PLXNA2: variants seen among roughly 807,000 people sequenced by gnomAD.
PLXNA2 encodes plexin A2, also known as plexin-A2.
PLXNA2 carries 91 observed loss-of-function variants against 193.5 expected under a neutral mutation model. That is an observed-to-expected ratio of 0.47 (90% CI 0.40 to 0.56). The LOEUF (loss-of-function observed/expected upper bound fraction) is 0.56, where lower values mean the gene tolerates loss of function less well. Ranked by LOEUF, PLXNA2 falls within the 20% of genes least tolerant of loss-of-function variation. The pLI is 0.00. For missense variants in PLXNA2, 1,995 were observed against 2,503.2 expected (o/e 0.80, Z 4.33); for synonymous variants, 997 against 1,027.3 (o/e 0.97, Z 0.56).
At chr1:208,128,695 C>CTTTTTTTT (rs34853346) in intron 4 of PLXNA2, among the ~76,000 whole-genome samples, 1 of 81,680 alleles carries the variant, frequency 1.2e-5, no homozygotes, top group Non-Finnish European at 2.3e-5. Flanking sequence ...CTGTTTCTTT[C>CTTTTTTTT]TTTTTTTTTT....
At chr1:208,177,038 C>T (rs1267435799) in intron 3 of PLXNA2, among the ~76,000 whole-genome samples, 1 of 152,142 alleles carries the variant, frequency 6.6e-6, no homozygotes, top group Non-Finnish European at 1.5e-5. Context: ...AACCAAGCTC[C>T]ATGCACACTT....
intron 4 of PLXNA2, among the ~76,000 whole-genome samples, chr1:208,112,883 T>C (rs1421785153): frequency 6.6e-6 from 1 of 151,678 alleles, no homozygotes; most frequent in Non-Finnish European, 1.5e-5. Context: ...GGAAATCTTA[T>C]GGGCAAGGCA....
chr1:208,195,326 A>T (rs1670322036), intron 3 of PLXNA2, among the ~76,000 whole-genome samples: 1 of 152,068 alleles, frequency 6.6e-6, no homozygotes, highest in Non-Finnish European at 1.5e-5. Context: ...GAGTGGTAAG[A>T]TTTCCCTCTA....
In PLXNA2 at chr1:208,028,976, G is replaced by C; in HGVS notation, c.5292C>G (p.Gly1764=). ...CAGAGAGGCAGGCGTCCGTGATGCT[G>C]CCCTTGTGGATGTCAAACACGAACT... is the stretch of plus-strand genomic sequence containing the variant. ...NPQFVFDIHK[G]SITDACLSVV... is the part of the protein sequence containing the mutation. The change falls in exon 30 of 32, where the codon GGC becomes GGG. Residue 1764 remains glycine, a synonymous_variant. Transcript: ENST00000367033. This position sits in a 1 kb window ranked among gnomAD's most constrained non-coding sequence, Gnocchi z 4.2. 1 of 1,614,118 alleles carries C rather than the reference G, an allele frequency of 6.2e-7. No homozygotes were observed.
intron 1 of PLXNA2, among the ~76,000 whole-genome samples, chr1:208,220,773 G>A (rs1350994304): frequency 6.6e-6 from 1 of 152,090 alleles, no homozygotes; most frequent in Non-Finnish European, 1.5e-5. Context: ...CACAGGAGAT[G>A]GCACTTCTGA....
intron 11 of PLXNA2, among the ~76,000 whole-genome samples, chr1:208,080,466 G>C (rs147217444): frequency 3.9e-5 from 6 of 152,260 alleles, no homozygotes; most frequent in African/African-American, 1.4e-4. Flanking sequence ...AGCAAAACAC[G>C]TAAAAGTCAT....
At chr1:208,111,126 C>T (rs12045625) in intron 4 of PLXNA2, among the ~76,000 whole-genome samples, 16,789 of 152,214 alleles carry the variant, frequency 0.11, 1,136 homozygotes, top group East Asian at 0.34. Flanking sequence ...TCACAGCTCA[C>T]TGCAGTCTCT....
intron 9 of PLXNA2, among the ~76,000 whole-genome samples, chr1:208,089,796 T>C (rs1456857665): frequency 1.3e-5 from 2 of 152,122 alleles, no homozygotes; most frequent in Non-Finnish European, 2.9e-5. Context: ...AGAGATATTC[T>C]AGGAACCCCT....
intron 4 of PLXNA2, among the ~76,000 whole-genome samples, chr1:208,137,774 TTTAA>T (rs1332550818): frequency 6.6e-6 from 1 of 152,210 alleles, no homozygotes; most frequent in African/African-American, 2.4e-5. Flanking sequence ...CTTAATTACA[TTTAA>T]TTAATTAATT....
intron 3 of PLXNA2, among the ~76,000 whole-genome samples, chr1:208,181,546 C>T (rs1476531560): frequency 1.3e-5 from 2 of 152,340 alleles, no homozygotes; most frequent in African/African-American, 2.4e-5. Context: ...TTCTCTGCTC[C>T]ACCTCCCGTC....
chr1:208,171,263 A>G (rs1669486885), intron 3 of PLXNA2, among the ~76,000 whole-genome samples: 1 of 152,212 alleles, frequency 6.6e-6, no homozygotes, highest in Non-Finnish European at 1.5e-5. Context: ...CATGCTGGGG[A>G]AGGGCTGGGG....
At position 208,055,990 on chromosome 1, in the gene PLXNA2, C is replaced by T. The variant is rs184445555; in HGVS notation, c.2739-1452G>A. On this transcript the variant is annotated intron_variant, in intron 13 of 31. Coordinates refer to ENST00000367033, the MANE Select transcript of PLXNA2 (RefSeq NM_025179.4). ...ATGAATCAATCAATTAATTATAAAC[C>T]CAAGGAAACATGATAGTGATGATCA... Among the ~76,000 whole-genome samples the T allele has an allele frequency of 8.5e-5, 13 of 152,260 alleles. No individual in the cohort carries two copies. The East Asian group carries it at 2.5e-3, about 29-fold the overall frequency.
At position 208,043,115 on chromosome 1, in the gene PLXNA2, A is replaced by C. The variant is rs746778429; in HGVS notation, c.3963T>G (p.Ala1321=). 13 of 1,614,040 alleles carry C rather than the reference A, an allele frequency of 8.1e-6. No homozygotes were observed. The highest frequency in any genetic ancestry group is 1.7e-4 in the Middle Eastern group (1 of 6,042). Residue 1321 remains alanine, a synonymous_variant, in exon 21 of 32, where the codon GCT becomes GCG. Coordinates refer to ENST00000367033, the MANE Select transcript of PLXNA2 (RefSeq NM_025179.4). ...CGATGCCCGGGAACAGGACTCGCAT[A>C]GCGTAGGTACGATAGTCCAGGTAAG... ...GIPYLDYRTY[A]MRVLFPGIED...
intron 8 of PLXNA2, among the ~76,000 whole-genome samples, chr1:208,093,596 T>C (rs898839905): frequency 1.6e-4 from 24 of 152,246 alleles, no homozygotes; most frequent in Admixed American, 4.6e-4. Flanking sequence ...TATTTCAACC[T>C]CTTAAATAAC....
chr1:208,205,595 C>T (rs773326901), intron 3 of PLXNA2, among the ~76,000 whole-genome samples: 15 of 152,204 alleles, frequency 9.9e-5, no homozygotes, highest in Non-Finnish European at 1.6e-4. Flanking sequence ...CTTCATCGCA[C>T]GCTTTGCTGA....
At chr1:208,148,683 G>A (rs1337447878) in intron 3 of PLXNA2, among the ~76,000 whole-genome samples, 1 of 152,184 alleles carries the variant, frequency 6.6e-6, no homozygotes, top group Non-Finnish European at 1.5e-5. Flanking sequence ...GCCCGGTGAT[G>A]GGGAAATGGA....
intron 3 of PLXNA2, among the ~76,000 whole-genome samples, chr1:208,199,488 C>T (rs903271775): frequency 5.9e-5 from 9 of 152,186 alleles, no homozygotes; most frequent in African/African-American, 2.2e-4. Flanking sequence ...GTCAGGAGAT[C>T]GAGACCATCC....
At chr1:208,136,562 A>G (rs1668306844) in intron 4 of PLXNA2, among the ~76,000 whole-genome samples, 1 of 152,196 alleles carries the variant, frequency 6.6e-6, no homozygotes, top group Non-Finnish European at 1.5e-5. Flanking sequence ...GATGCCTGCT[A>G]TCCTGGCCTT....
chr1:208,215,949 T>A (rs1202155607), intron 2 of PLXNA2, among the ~76,000 whole-genome samples: 1 of 152,146 alleles, frequency 6.6e-6, no homozygotes, highest in Non-Finnish European at 1.5e-5. Context: ...TCCTGATTCT[T>A]CTCCAGTTTT....
Sources: gnomAD v4.1 joint callset for allele counts (sites outside exome capture counted in the v4.1 genomes callset) on GRCh38, gnomAD v4.1.1 for gene constraint, Gnocchi (gnomAD v3.1) non-coding constraint, MANE v1.5 for transcripts, NCBI Gene and HGNC (gene_info 2026-07-23, HGNC 2026-07-21) for gene names.